DOCK2: variants seen among roughly 807,000 people sequenced by gnomAD.
DOCK2 encodes dedicator of cytokinesis 2.
DOCK2 carries 87 observed loss-of-function variants against 248.9 expected under a neutral mutation model. The observed-to-expected ratio is 0.35, with a 90% CI of 0.29 to 0.42. DOCK2 has a LOEUF of 0.42. Among genes scored for constraint, DOCK2 ranks in the 10% least tolerant of loss-of-function variants. The pLI, the probability that DOCK2 is intolerant of heterozygous loss-of-function variation, is 1.00. For synonymous variants in DOCK2, 805 were observed against 821.6 expected (o/e 0.98, Z 0.35); for missense variants, 1,747 against 2,300.2 (o/e 0.76, Z 4.92).
chr5:170,045,320 A>ATCTTT (rs1756664816), intron 38 of DOCK2, among the ~76,000 whole-genome samples: 1 of 152,092 alleles, frequency 6.6e-6, no homozygotes, highest in African/African-American at 2.4e-5. Context: ...TCTTTGGAAA[A>ATCTTT]GGGGGCCAAC....
At chr5:169,947,215 C>T (rs188154846) in intron 27 of DOCK2, among the ~76,000 whole-genome samples, 9 of 152,358 alleles carry the variant, frequency 5.9e-5, no homozygotes, top group Admixed American at 2.0e-4. Context: ...ATAGGGGAAG[C>T]TGTACTCTTA....
chr5:169,854,284 C>T (rs957400354), intron 27 of DOCK2, among the ~76,000 whole-genome samples: 2 of 151,734 alleles, frequency 1.3e-5, no homozygotes, highest in African/African-American at 4.8e-5. Context: ...CTCCCAGGTT[C>T]AAGGGATTCT....
chr5:169,754,789 T>C (rs1156311936), intron 23 of DOCK2, among the ~76,000 whole-genome samples: 1 of 152,182 alleles, frequency 6.6e-6, no homozygotes, highest in African/African-American at 2.4e-5. Flanking sequence ...TTCTTCTCCA[T>C]GCCATAGTTT....
At chr5:170,082,701 T>A (rs1758076560) in intron 51 of DOCK2, 95 bp from the exon 52 acceptor site, 1 of 1,481,458 alleles carries the variant, frequency 6.8e-7, no homozygotes, top group Admixed American at 1.9e-5. Flanking sequence ...CAGGGGTCAG[T>A]GTTGAGGCCC....
At chr5:169,681,284 T>G (rs1251127898) in intron 6 of DOCK2, among the ~76,000 whole-genome samples, 1 of 151,782 alleles carries the variant, frequency 6.6e-6, no homozygotes, top group Non-Finnish European at 1.5e-5. Context: ...CCACCATGCC[T>G]GGCTAATTTT....
chr5:169,683,775 G>T (rs1275838496), intron 7 of DOCK2, among the ~76,000 whole-genome samples: 1 of 151,990 alleles, frequency 6.6e-6, no homozygotes, highest in African/African-American at 2.4e-5. Flanking sequence ...TTTTAATTGG[G>T]TTATTTTCCT....
At chr5:169,868,951 A>G (rs1049350450) in intron 27 of DOCK2, among the ~76,000 whole-genome samples, 5 of 152,088 alleles carry the variant, frequency 3.3e-5, no homozygotes, top group Admixed American at 3.3e-4. Flanking sequence ...AGGCTGCAGC[A>G]CTTCCTGGCT....
rs1351603489 is a variant in DOCK2 at position 169,705,830 on chromosome 5, A to C, written c.1384-2339A>C. On this transcript the variant is annotated intron_variant, in intron 14 of 51. Coordinates refer to ENST00000520908, the MANE Select transcript of DOCK2 (RefSeq NM_004946.3). ...TTAGGAGCCTGGTTTTTCTTCCTGC[A>C]GAGATGTTTCTTCTAAGGCCAAGCC... 3.9e-5 allele frequency among the ~76,000 whole-genome samples: 6 copies of C among 152,162 alleles called. No individual in the cohort carries two copies. The South Asian group carries it at 8.3e-4, about 21-fold the overall frequency.
chr5:169,996,095 G>C lies in DOCK2; in HGVS notation c.3003G>C (p.Leu1001=). The change falls in exon 30 of 52, where the codon CTG becomes CTC. Residue 1001 remains leucine (L), a synonymous_variant. Transcript: ENST00000520908. ...AMSMVQNRVF[L]RAINKFAETM... ...TTCTGCCCTCTTCCAGGGTCTTCCT[G>C]AGAGCTATCAACAAGTTTGCAGAAA... 2 of 1,613,930 alleles carry C rather than the reference G, an allele frequency of 1.2e-6. No individual in the cohort carries two copies. The highest frequency in any genetic ancestry group is 1.7e-6 in the Non-Finnish European group (2 of 1,179,872).
intron 10 of DOCK2, among the ~76,000 whole-genome samples, chr5:169,696,451 T>TA (rs1283831611): frequency 6.6e-6 from 1 of 152,222 alleles, no homozygotes; most frequent in Non-Finnish European, 1.5e-5. Flanking sequence ...TTAGCTCTCC[T>TA]GGGGTTTCTA....
chr5:169,705,217 C>T (rs1761198967), intron 14 of DOCK2, among the ~76,000 whole-genome samples: 1 of 152,118 alleles, frequency 6.6e-6, no homozygotes, highest in African/African-American at 2.4e-5. Context: ...GCAGTAAGTA[C>T]CCAGCAACAG....
intron 22 of DOCK2, 136 bp downstream of exon 22, chr5:169,718,927 T>C (rs1762047523): frequency 1.7e-6 from 2 of 1,168,520 alleles, no homozygotes; most frequent in Non-Finnish European, 1.2e-6. Flanking sequence ...GAATCCAACC[T>C]AGAGAGTAAT....
At chr5:169,716,065 C>T (rs766157393) in intron 19 of DOCK2, 148 bp from the exon 20 acceptor site, 35 of 655,916 alleles carry the variant, frequency 5.3e-5, no homozygotes, top group Non-Finnish European at 7.4e-5. Flanking sequence ...TTCTGGCTCT[C>T]GTGAGTAAAA....
chr5:169,812,123 C>T (rs1014764506), intron 26 of DOCK2, among the ~76,000 whole-genome samples: 8 of 152,330 alleles, frequency 5.3e-5, no homozygotes, highest in Non-Finnish European at 7.3e-5. Flanking sequence ...GGCTTCACAG[C>T]AGGAGGTGAG....
chr5:170,044,960 C>T (rs1464727179), intron 38 of DOCK2, among the ~76,000 whole-genome samples: 4 of 152,126 alleles, frequency 2.6e-5, no homozygotes, highest in East Asian at 1.9e-4. Context: ...TGACCTCCTT[C>T]GGTCTAAGAG....
intron 1 of DOCK2, among the ~76,000 whole-genome samples, chr5:169,652,082 C>T (rs1244682505): frequency 2.0e-5 from 3 of 152,286 alleles, no homozygotes; most frequent in Middle Eastern, 6.8e-3. Flanking sequence ...AGGTAGGGAC[C>T]ATTATTTCTT....
rs181267155 is a variant in DOCK2, at chr5:169,795,498, G to A, written c.2555-7560G>A. Reference sequence around the variant, plus strand: ...TGGGGGTGAGGCAAGTGACTCATGGGGAGCTGCTGAAGAATGCGTTGGGGG... The same window carrying A: ...TGGGGGTGAGGCAAGTGACTCATGGAGAGCTGCTGAAGAATGCGTTGGGGG... On this transcript the variant is annotated intron_variant, in intron 25 of 51. Coordinates refer to ENST00000520908, the MANE Select transcript of DOCK2 (RefSeq NM_004946.3). Among the ~76,000 whole-genome samples the A allele has an allele frequency of 5.3e-5, 8 of 152,254 alleles. No homozygotes were observed. In the East Asian group the frequency reaches 1.5e-3, roughly 29 times the overall value.
chr5:169,715,201 G>T (rs1024762349), intron 19 of DOCK2, among the ~76,000 whole-genome samples: 1 of 152,164 alleles, frequency 6.6e-6, no homozygotes, highest in African/African-American at 2.4e-5. Context: ...CGTCTGAAGT[G>T]CAAATCTAAT....
intron 27 of DOCK2, among the ~76,000 whole-genome samples, chr5:169,965,891 T>C (rs1022943224): frequency 5.9e-5 from 9 of 152,198 alleles, no homozygotes; most frequent in Non-Finnish European, 1.2e-4. Flanking sequence ...ACCTTTGACG[T>C]GGTTCCTGTG....
Sources: gnomAD v4.1 joint callset for allele counts (sites outside exome capture counted in the v4.1 genomes callset) on GRCh38, gnomAD v4.1.1 for gene constraint, MANE v1.5 for transcripts, NCBI Gene and HGNC (gene_info 2026-07-23, HGNC 2026-07-21) for gene names.